The following THAP8 variants were observed in gnomAD, a reference collection of about 807,000 sequenced individuals.
THAP8 encodes THAP domain containing 8, also known as THAP domain-containing protein 8.
Under a neutral mutation model 25.0 loss-of-function variants are expected in THAP8, and 24 were observed. That is an observed-to-expected ratio of 0.96 (90% CI 0.69 to 1.35). THAP8 has a LOEUF of 1.35. Ranked by LOEUF, THAP8 falls within the 40% of genes most tolerant of loss-of-function variation. THAP8 has a pLI of 0.00. For synonymous variants in THAP8, 169 were observed against 157.6 expected, an observed-to-expected ratio of 1.07 and a Z score of -0.54; for missense variants, 399 against 368.8, an observed-to-expected ratio of 1.08 and a Z score of -0.67.
Position 36,039,416 on chromosome 19 carries a change from C to T in THAP8, c.579G>A (p.Arg193=). Residue 193 remains arginine (R), a synonymous_variant, in exon 3 of 4, where the codon CGG becomes CGA. Transcript: ENST00000292894. Reference sequence around the variant, plus strand: ...CCAGGGCCTGCAGCTGCGCCTGGTGCCGCTCCTGGCACCGTTGCAGCCTCC... The same window carrying T: ...CCAGGGCCTGCAGCTGCGCCTGGTGTCGCTCCTGGCACCGTTGCAGCCTCC... ...RVRRLQRCQE[R]HQAQLQALER... is the part of the protein sequence containing the mutation. The T allele has an allele frequency of 6.4e-7, 1 of 1,565,234 alleles. No homozygotes were observed. Among genetic ancestry groups the T allele is most frequent in the Non-Finnish European group, 8.6e-7 (1 of 1,156,772 alleles).
intron 1 of THAP8, among the ~76,000 whole-genome samples, chr19:36,040,895 G>C (rs1172016603): frequency 6.6e-6 from 1 of 152,184 alleles, no homozygotes; most frequent in Non-Finnish European, 1.5e-5. Flanking sequence ...TGGATTAAGA[G>C]AGATTTAAGA....
intron 1 of THAP8, among the ~76,000 whole-genome samples, chr19:36,048,975 T>C (rs1477054194): frequency 6.6e-6 from 1 of 152,006 alleles, no homozygotes; most frequent in Non-Finnish European, 1.5e-5. Flanking sequence ...AAGCAACTCT[T>C]ATTGCAGGAC....
chr19:36,048,130 C>T (rs1178172354), intron 1 of THAP8, among the ~76,000 whole-genome samples: 1 of 152,134 alleles, frequency 6.6e-6, no homozygotes, highest in Admixed American at 6.5e-5. Flanking sequence ...TTTTTTCCTC[C>T]TCCTGCAAGA....
At chr19:36,054,377 C>T, upstream of THAP8, 1 of 811,194 alleles carries the variant, frequency 1.2e-6, no homozygotes, top group Non-Finnish European at 2.0e-6. Context: ...CGCCTGCCTA[C>T]TAGGCGCCCC....
chr19:36,040,872 G>A (rs1373706345), intron 1 of THAP8, among the ~76,000 whole-genome samples: 1 of 152,084 alleles, frequency 6.6e-6, no homozygotes, highest in Non-Finnish European at 1.5e-5. Context: ...TATAAATGGG[G>A]GTGTGGGGTT....
At position 36,035,568 on chromosome 19, in the gene THAP8, C is replaced by T; in HGVS notation, c.697G>A (p.Glu233Lys). Residue 233 changes from glutamate to lysine, a missense_variant, in exon 4 of 4, where the codon GAG (glutamate) becomes AAG (lysine). Physicochemically the swap from Glu to Lys is moderately conservative, Grantham distance 56. Coordinates refer to ENST00000292894, the MANE Select transcript of THAP8 (RefSeq NM_152658.3). Reference sequence around the variant, plus strand: ...ATGATGGTGAAGGTTTGGGATTCCTCAGGTCCAAGGGTCTGGGCTGTTGTC... The same window carrying T: ...ATGATGGTGAAGGTTTGGGATTCCTTAGGTCCAAGGGTCTGGGCTGTTGTC... ...RLTTAQTLGP[E>K]ESQTFTIICG... The T allele has an allele frequency of 6.8e-6, 11 of 1,614,088 alleles. No individual in the cohort carries two copies. The highest frequency in any genetic ancestry group is 8.5e-6 in the Non-Finnish European group (10 of 1,180,010).
chr19:36,048,360 C>T (rs1969943449), intron 1 of THAP8, among the ~76,000 whole-genome samples: 1 of 148,514 alleles, frequency 6.7e-6, no homozygotes, highest in African/African-American at 2.5e-5. Context: ...CATAGTGGGA[C>T]TTCATTTCTT....
intron 3 of THAP8, among the ~76,000 whole-genome samples, chr19:36,039,038 T>C (rs1054505149): frequency 1.3e-5 from 2 of 152,246 alleles, no homozygotes; most frequent in Non-Finnish European, 2.9e-5. Flanking sequence ...TGCCAGATTT[T>C]GTTTTTCAGG....
chr19:36,042,405 G>T (rs76929840), intron 1 of THAP8, among the ~76,000 whole-genome samples: 5,360 of 152,252 alleles, frequency 0.035, 135 homozygotes, highest in East Asian at 0.11. Context: ...GCTGAGGTGG[G>T]TGGGTCACTT....
At chr19:36,038,911 G>C (rs1969578243) in intron 3 of THAP8, among the ~76,000 whole-genome samples, 2 of 151,892 alleles carry the variant, frequency 1.3e-5, no homozygotes, top group Admixed American at 6.6e-5. Context: ...TGAGTTTTCA[G>C]CTCACTATGT....
At chr19:36,042,513 C>T (rs1969728184) in intron 1 of THAP8, among the ~76,000 whole-genome samples, 1 of 152,086 alleles carries the variant, frequency 6.6e-6, no homozygotes, top group Non-Finnish European at 1.5e-5. Flanking sequence ...TGCCTAGAGG[C>T]ACAGCTACTC....
chr19:36,052,301 C>T (rs1182991434), intron 1 of THAP8, among the ~76,000 whole-genome samples: 2 of 152,206 alleles, frequency 1.3e-5, no homozygotes, highest in Non-Finnish European at 2.9e-5. Context: ...CCTTGGCCTC[C>T]CAAAGTGCTG....
chr19:36,054,042 A>G, intron 1 of THAP8, 93 bp downstream of exon 1: 1 of 1,424,758 alleles, frequency 7.0e-7, no homozygotes, highest in Non-Finnish European at 9.7e-7. Context: ...ACCCTCAAGC[A>G]AGACCAGAAG....
Position 36,039,307 on chromosome 19 carries a change from C to A in THAP8, c.672+16G>T. On this transcript the variant is annotated intron_variant, in intron 3 of 3. Coordinates refer to ENST00000292894, the MANE Select transcript of THAP8 (RefSeq NM_152658.3). ...ACCACCCATGGATGGGGCTGCCAGG[C>A]TGGGGTGCCACTCACCAGGCGCTGC... 11 of 1,451,484 alleles carry A rather than the reference C, an allele frequency of 7.6e-6. No homozygotes were observed. Among genetic ancestry groups the A allele is most frequent in the Non-Finnish European group, 9.9e-6 (11 of 1,109,148 alleles). The allele number at this position is 1,451,484 out of a possible 1,614,324, so 89.9% of individuals were successfully genotyped here.
rs773402623 is a variant in THAP8, at chr19:36,054,129, G to C, written c.83+6C>G. The C allele has an allele frequency of 1.9e-6, 3 of 1,612,198 alleles. No homozygotes were observed. The highest frequency in any genetic ancestry group is 2.2e-5 in the South Asian group (2 of 90,770). On this transcript the variant is annotated splice_donor_region_variant and intron_variant, in intron 1 of 3. Coordinates refer to ENST00000292894, the MANE Select transcript of THAP8 (RefSeq NM_152658.3). Reference sequence around the variant, plus strand: ...TCCCTCAAGCCCCGCCCCGCGCTGCGCTCACTTGTAGAAGCTCACAGGGCG... The same window carrying C: ...TCCCTCAAGCCCCGCCCCGCGCTGCCCTCACTTGTAGAAGCTCACAGGGCG...
intron 1 of THAP8, among the ~76,000 whole-genome samples, chr19:36,052,579 C>G (rs1295353534): frequency 6.6e-6 from 1 of 152,184 alleles, no homozygotes; most frequent in East Asian, 1.9e-4. Context: ...TTCAGATTGC[C>G]TCAAAGCAAA....
At chr19:36,036,699 A>G (rs1969460602) in intron 3 of THAP8, among the ~76,000 whole-genome samples, 2 of 151,984 alleles carry the variant, frequency 1.3e-5, no homozygotes, top group Non-Finnish European at 2.9e-5. Context: ...CCAGCACTAT[A>G]GGAGGCCGAG....
chr19:36,049,309 G>A (rs1403303025), intron 1 of THAP8, among the ~76,000 whole-genome samples: 1 of 151,960 alleles, frequency 6.6e-6, no homozygotes, highest in East Asian at 1.9e-4. Context: ...AAGCTGCATT[G>A]AGCCATGATC....
chr19:36,050,732 C>T (rs1370973855), intron 1 of THAP8, among the ~76,000 whole-genome samples: 1 of 152,220 alleles, frequency 6.6e-6, no homozygotes, highest in East Asian at 1.9e-4. Flanking sequence ...CAGGGGCTTA[C>T]TTGCTTCTCC....
Sources: allele counts gnomAD v4.1 joint callset (sites outside exome capture counted in the v4.1 genomes callset), GRCh38; gene constraint gnomAD v4.1.1; transcripts MANE v1.5; gene names NCBI Gene and HGNC (gene_info 2026-07-23, HGNC 2026-07-21).